Variants in HMCN2 observed in about 807,000 individuals in gnomAD.
The protein encoded by HMCN2 is hemicentin 2.
Under a neutral mutation model 377.5 loss-of-function variants are expected in HMCN2, and 325 were observed. The ratio of observed to expected loss-of-function variants is 0.86; its 90% CI spans 0.79 to 0.94. The LOEUF (loss-of-function observed/expected upper bound fraction) is 0.94, where lower values mean the gene tolerates loss of function less well. Ranked by LOEUF, HMCN2 falls within the 40% of genes least tolerant of loss-of-function variation. HMCN2 has a pLI of 0.00. For synonymous variants in HMCN2, 2,007 were observed against 2,046.8 expected, an observed-to-expected ratio of 0.98 and a Z score of 0.53; for missense variants, 4,543 against 4,725.3, an observed-to-expected ratio of 0.96 and a Z score of 1.13.
At chr9:130,287,585 G>A (rs916519856) in intron 4 of HMCN2, among the ~76,000 whole-genome samples, 9 of 147,240 alleles carry the variant, frequency 6.1e-5, no homozygotes, top group African/African-American at 2.3e-4. Flanking sequence ...AAAAGATTAG[G>A]TCTCCTTGTG....
At position 130,432,462 on chromosome 9, in the gene HMCN2, G is replaced by GCTC; in HGVS notation, c.14801_14802insCTC (p.Cys4934_Gly4935insSer). 1 of 1,551,058 alleles carries GCTC rather than the reference G, an allele frequency of 6.4e-7. No individual in the cohort carries two copies. Among genetic ancestry groups the GCTC allele is most frequent in the Non-Finnish European group, 8.7e-7 (1 of 1,147,078 alleles). ...GAGTGCGAGGAGGAGAGCATCGAGT[G>GCTC]TGGACCCGGCCAGATGTGCTTCAAC... On this transcript the variant is annotated inframe_insertion, in exon 97 of 98. Transcript: ENST00000683500.
chr9:130,319,876 C>T (rs1837758214), intron 16 of HMCN2, among the ~76,000 whole-genome samples, 181 bp downstream of exon 16: 2 of 152,034 alleles, frequency 1.3e-5, no homozygotes, highest in Admixed American at 6.5e-5. Flanking sequence ...CTACTCTGAC[C>T]CTGTTCATAA....
chr9:130,429,621 A>AGGCG lies in HMCN2; in HGVS notation c.14264_14267dup (p.His4757ArgfsTer24), dbSNP rs1327776012. On this transcript the variant is annotated frameshift_variant, in exon 94 of 98. Coordinates refer to ENST00000683500, the MANE Select transcript of HMCN2 (RefSeq NM_001291815.2). LOFTEE classifies it high-confidence loss of function. Reference sequence around the variant, plus strand: ...ACAACCAGCTCTGCGAGAACACCCCAGGCGGTCACCGCTGCAGCTGCCCCA... The same window carrying AGGCG: ...ACAACCAGCTCTGCGAGAACACCCCAGGCGGGCGGTCACCGCTGCAGCTGCCCCA... The AGGCG allele has an allele frequency of 2.6e-6, 4 of 1,549,930 alleles. No homozygotes were observed. Among genetic ancestry groups the AGGCG allele is most frequent in the Non-Finnish European group, 3.5e-6 (4 of 1,146,710 alleles).
chr9:130,273,146 CT>C (rs59958247), intron 1 of HMCN2, among the ~76,000 whole-genome samples: 24,188 of 148,868 alleles, frequency 0.16, 2,011 homozygotes, highest in East Asian at 0.22. Flanking sequence ...AGGTTCCACC[CT>C]TTTTTTTTTA....
intron 73 of HMCN2, 68 bp from the exon 74 acceptor site, chr9:130,397,460 G>A (rs1348111683): frequency 7.9e-7 from 1 of 1,259,310 alleles, no homozygotes. Context: ...GAAGGGTCTT[G>A]CTAGAGACAG....
Position 130,394,053 on chromosome 9 carries a change from A to T in HMCN2, c.10501+45A>T. On this transcript the variant is annotated intron_variant, in intron 68 of 97. Transcript: ENST00000683500. This position sits in a 1 kb window ranked among gnomAD's most constrained non-coding sequence, Gnocchi z 5.1. ...GCCAGCTTCTCTGGGCTCGGGGGAG[A>T]GGGTGGGACTCTAGGGGCAATGGGA... 4.2e-6 allele frequency: 5 copies of T among 1,193,748 alleles called. No homozygotes were observed. Among genetic ancestry groups the T allele is most frequent in the Non-Finnish European group, 5.3e-6 (5 of 944,968 alleles). 73.9% of individuals were successfully genotyped at this position (1,193,748 alleles called of 1,614,324 possible). A position where few individuals can be genotyped will look rare whatever the true frequency, so the allele number is the denominator to read the frequency against.
At position 130,368,336 on chromosome 9, in the gene HMCN2, T is replaced by G. The variant is rs1001769027; in HGVS notation, c.6686T>G (p.Leu2229Trp). Residue 2229 changes from leucine (L) to tryptophan (W), a missense_variant, in exon 44 of 98, where the codon TTG becomes TGG. Leu to Trp is a moderately conservative substitution (Grantham distance 61, BLOSUM62 -2). This residue lies in a region of HMCN2 where 1,032 missense variants were observed against 1,285.1 expected (regional missense o/e 0.80). Transcript: ENST00000683500. ...LQHVSAVGRL[L>W]YLGQAQLAQE... is the part of the protein sequence containing the mutation. ...CACGTGTCGGCTGTGGGGAGGCTGT[T>G]GTACCTGGGACAGGCCCAGCTGGCT... 2.0e-6 allele frequency: 2 copies of G among 985,672 alleles called. No individual in the cohort carries two copies. Among genetic ancestry groups the G allele is most frequent in the Non-Finnish European group, 1.2e-6 (1 of 829,928 alleles). 61.1% of individuals were successfully genotyped at this position (985,672 alleles called of 1,614,324 possible). A position where few individuals can be genotyped will look rare whatever the true frequency, so the allele number is the denominator to read the frequency against.
intron 56 of HMCN2, among the ~76,000 whole-genome samples, chr9:130,383,236 C>G (rs1841826024): frequency 6.6e-6 from 1 of 150,728 alleles, no homozygotes; most frequent in Non-Finnish European, 1.5e-5. Flanking sequence ...CCCTGGGAGC[C>G]CAACACACAC....
chr9:130,337,493 T>G (rs1376189460), intron 22 of HMCN2, among the ~76,000 whole-genome samples: 1 of 152,080 alleles, frequency 6.6e-6, no homozygotes, highest in Non-Finnish European at 1.5e-5. Context: ...GTGGGCAGGT[T>G]CCTGGCCCTG....
Position 130,395,328 on chromosome 9 carries a change from G to A in HMCN2, c.10892G>A (p.Arg3631Gln), listed in dbSNP as rs376253705. The part of the protein sequence containing the change: ...AEPAPKITWH[R>Q]DGIVLQEDAH... ...CCAGCGCCCAAGATCACGTGGCACC[G>A]AGACGGCATTGTGCTGCAGGTGGGC... Residue 3631 changes from arginine to glutamine, a missense_variant, in exon 71 of 98, where the codon CGA (arginine) becomes CAA (glutamine). Physicochemically the swap from Arg to Gln is conservative, Grantham distance 43. Around this residue, in one of 5 missense-constraint regions of HMCN2, gnomAD observed 1,073 missense variants for 1,319.5 expected, o/e 0.81. Coordinates refer to ENST00000683500, the MANE Select transcript of HMCN2 (RefSeq NM_001291815.2). 7.8e-6 allele frequency: 10 copies of A among 1,288,880 alleles called. No individual in the cohort carries two copies. Among genetic ancestry groups the A allele is most frequent in the African/African-American group, 7.6e-5 (5 of 65,826 alleles). The allele number at this position is 1,288,880 out of a possible 1,614,324, so 79.8% of individuals were successfully genotyped here.
In HMCN2 at chr9:130,425,034, G is replaced by A. The variant is rs1844245953; in HGVS notation, c.13545G>A (p.Val4515=). 6.5e-7 allele frequency: 1 copy of A among 1,549,434 alleles called. No homozygotes were observed. The highest frequency in any genetic ancestry group is 1.2e-5 in the South Asian group (1 of 83,938). Residue 4515 remains valine, a synonymous_variant, in exon 89 of 98, where the codon GTG becomes GTA. Transcript: ENST00000683500. ...GGGAGCTGCTCACGATGACCCAGGT[G>A]GCCCGGGGTCTGGATCCCGATGGCC... ...ATGELLTMTQ[V]ARGLDPDGLL... is the part of the protein sequence containing the mutation.
At chr9:130,287,093 G>A (rs1024382836) in intron 4 of HMCN2, among the ~76,000 whole-genome samples, 1 of 152,198 alleles carries the variant, frequency 6.6e-6, no homozygotes, top group African/African-American at 2.4e-5. Flanking sequence ...TTCCAAGTCA[G>A]AGTTGGGAAG....
chr9:130,318,634 C>T (rs924687253), intron 15 of HMCN2, among the ~76,000 whole-genome samples: 2 of 152,122 alleles, frequency 1.3e-5, no homozygotes, highest in African/African-American at 4.8e-5. Context: ...GTGTGTGGAG[C>T]AAGAATTAGG....
intron 37 of HMCN2, among the ~76,000 whole-genome samples, chr9:130,359,647 A>T (rs1840252662): frequency 6.6e-6 from 1 of 152,186 alleles, no homozygotes; most frequent in Non-Finnish European, 1.5e-5. Flanking sequence ...TACTCACAGT[A>T]AGCTTCACAG....
chr9:130,321,057 C>T (rs1837828324), intron 18 of HMCN2, among the ~76,000 whole-genome samples, 154 bp downstream of exon 18: 1 of 152,188 alleles, frequency 6.6e-6, no homozygotes, highest in South Asian at 2.1e-4. Context: ...AGAACCTTCT[C>T]TGATAATGCA....
chr9:130,330,489 C>T (rs927666623), intron 22 of HMCN2, among the ~76,000 whole-genome samples: 20 of 152,168 alleles, frequency 1.3e-4, no homozygotes, highest in African/African-American at 4.3e-4. Flanking sequence ...CCTGACCCTG[C>T]AGCTCTTGGG....
Position 130,408,784 on chromosome 9 carries a change from G to A in HMCN2, c.12730G>A (p.Glu4244Lys). Residue 4244 changes from glutamate to lysine, a missense_variant, in exon 84 of 98, where the codon GAA becomes AAA. Glu to Lys is a moderately conservative substitution (Grantham distance 56, BLOSUM62 1). This residue lies in a region of HMCN2 where 1,073 missense variants were observed against 1,319.5 expected (regional missense o/e 0.81). Transcript: ENST00000683500. ...AGGGGAGGCTTTCTCCTACCTGGTGGAACCTGTAGGAGGCAGCATTCAGCT... is the reference window on the plus strand; with the variant it reads ...AGGGGAGGCTTTCTCCTACCTGGTGAAACCTGTAGGAGGCAGCATTCAGCT... The part of the protein sequence containing the change: ...LQGEAFSYLV[E>K]PVGGSIQLDC... 3.9e-6 allele frequency: 5 copies of A among 1,289,614 alleles called. No individual in the cohort carries two copies. The highest frequency in any genetic ancestry group is 4.0e-6 in the Non-Finnish European group (4 of 988,728). 79.9% of individuals were successfully genotyped at this position (1,289,614 alleles called of 1,614,324 possible).
chr9:130,330,337 C>T (rs1838364300), intron 22 of HMCN2, among the ~76,000 whole-genome samples: 1 of 152,150 alleles, frequency 6.6e-6, no homozygotes, highest in East Asian at 1.9e-4. Context: ...CCAAGATGTG[C>T]TGAGCCTCTG....
chr9:130,301,934 G>C (rs1564763738), intron 8 of HMCN2, among the ~76,000 whole-genome samples: 1 of 152,240 alleles, frequency 6.6e-6, no homozygotes, highest in African/African-American at 2.4e-5. Context: ...GACCAGGCTC[G>C]GGCCAGGGAG....
Sources: gnomAD v4.1 joint callset for allele counts (sites outside exome capture counted in the v4.1 genomes callset) on GRCh38, gnomAD v4.1.1 for gene constraint, gnomAD v4.1.1 regional missense constraint, Gnocchi (gnomAD v3.1) non-coding constraint, MANE v1.5 for transcripts, NCBI Gene and HGNC (gene_info 2026-07-23, HGNC 2026-07-21) for gene names.